Variants in SPPL2A observed in about 807,000 individuals in gnomAD.
The protein encoded by SPPL2A is signal peptide peptidase-like 2A.
In SPPL2A, 51 loss-of-function variants were observed where a neutral mutation model predicts 63.8. That is an observed-to-expected ratio of 0.80 (90% CI 0.64 to 1.01). The LOEUF (loss-of-function observed/expected upper bound fraction) is 1.01. Ranked by LOEUF, SPPL2A falls within the 50% of genes least tolerant of loss-of-function variation. The pLI, the probability that SPPL2A is intolerant of heterozygous loss-of-function variation, is 0.00. For missense variants in SPPL2A, 553 were observed against 622.7 expected (o/e 0.89, Z 1.19); for synonymous variants, 188 against 205.8 (o/e 0.91, Z 0.74).
Position 50,720,150 on chromosome 15 carries a change from TG to T in SPPL2A, c.1328-51del, listed in dbSNP as rs767971794. The T allele has an allele frequency of 2.6e-5, 39 of 1,509,590 alleles. No individual in the cohort carries two copies. In the East Asian group the frequency reaches 8.7e-4, roughly 34 times the overall value. The allele number at this position is 1,509,590 out of a possible 1,614,324, so 93.5% of individuals were successfully genotyped here. The stretch of plus-strand genomic sequence containing the variant: ...AGTCATTTCTACATGTTACCAAAGG[TG>T]GGTTTTTTCCTCTGTCATTTATGTA... On this transcript the variant is annotated intron_variant, in intron 13 of 14. Coordinates refer to ENST00000261854, the MANE Select transcript of SPPL2A (RefSeq NM_032802.4).
At chr15:50,721,727 C>T (rs1002956655) in intron 13 of SPPL2A, among the ~76,000 whole-genome samples, 1 of 152,040 alleles carries the variant, frequency 6.6e-6, no homozygotes. Flanking sequence ...GCCTCAGCCT[C>T]CCCAGTAGCT....
intron 5 of SPPL2A, among the ~76,000 whole-genome samples, chr15:50,740,031 T>G (rs2062806298): frequency 6.6e-6 from 1 of 152,182 alleles, no homozygotes; most frequent in African/African-American, 2.4e-5. Context: ...CAAAGAAATA[T>G]TTAATCTAGA....
intron 1 of SPPL2A, among the ~76,000 whole-genome samples, chr15:50,756,073 G>A (rs1486924650): frequency 2.0e-5 from 3 of 151,844 alleles, no homozygotes; most frequent in Admixed American, 6.6e-5. Context: ...TGAAAGTCAG[G>A]GTCTGGACTG....
intron 14 of SPPL2A, among the ~76,000 whole-genome samples, chr15:50,714,558 G>C (rs1205090799): frequency 3.3e-5 from 5 of 151,330 alleles, no homozygotes; most frequent in Non-Finnish European, 7.4e-5. Flanking sequence ...TTGAACCCTG[G>C]AGGTGGAGGT....
chr15:50,726,051 A>AAATCTAAATC, intron 11 of SPPL2A: 9 of 1,402,042 alleles, frequency 6.4e-6, no homozygotes, highest in Non-Finnish European at 8.5e-6. Flanking sequence ...TCCAATGAAC[A>AAATCTAAATC]TATCTAAAAT....
chr15:50,747,748 A>G (rs1486735718), intron 4 of SPPL2A, 120 bp from the exon 5 acceptor site: 2 of 699,794 alleles, frequency 2.9e-6, no homozygotes, highest in Non-Finnish European at 4.9e-6. Flanking sequence ...CAAGAAGACT[A>G]GAATTATTGT....
chr15:50,749,543 C>A, intron 2 of SPPL2A, 93 bp downstream of exon 2: 1 of 824,658 alleles, frequency 1.2e-6, no homozygotes, highest in Non-Finnish European at 2.1e-6. Flanking sequence ...GCCTTGGCCT[C>A]CCAAAGTGCT....
intron 10 of SPPL2A, among the ~76,000 whole-genome samples, chr15:50,728,481 C>T (rs935163405): frequency 1.3e-5 from 2 of 150,734 alleles, no homozygotes; most frequent in African/African-American, 4.9e-5. Context: ...GTAGCTGGGA[C>T]TACAGGTGCC....
At chr15:50,714,498 G>C (rs1032654884) in intron 14 of SPPL2A, among the ~76,000 whole-genome samples, 4 of 152,054 alleles carry the variant, frequency 2.6e-5, no homozygotes, top group African/African-American at 9.7e-5. Flanking sequence ...GGGCATGGTG[G>C]CGCATGCTTT....
At chr15:50,720,694 T>C (rs539378219) in intron 13 of SPPL2A, among the ~76,000 whole-genome samples, 33 of 151,976 alleles carry the variant, frequency 2.2e-4, no homozygotes, top group Non-Finnish European at 4.3e-4. Context: ...TAATTTTGTA[T>C]TTTTTAGCAG....
rs1378165002 is a variant in SPPL2A at position 50,705,939 on chromosome 15, CTAAAA to C, written c.*1856_*1860del. ...TCACTTGTCATTTGCGAAATTCTTA[CTAAAA>C]TAAAAGAAAATGGAAAGATAATTTG... is the stretch of plus-strand genomic sequence containing the variant. On this transcript the variant is annotated 3_prime_UTR_variant, in exon 15 of 15. Transcript: ENST00000261854. 1 of 152,110 alleles carries C rather than the reference CTAAAA, an allele frequency of 6.6e-6. No individual in the cohort carries two copies. The highest frequency in any genetic ancestry group is 6.6e-5 in the Admixed American group (1 of 15,262). The allele number at this position is 152,110 out of a possible 1,614,324, so 9.4% of individuals were successfully genotyped here.
rs1163110158 is a variant in SPPL2A at position 50,703,005 on chromosome 15, T to G, written c.*4795A>C. The G allele has an allele frequency of 3.3e-5, 5 of 152,100 alleles. No individual in the cohort carries two copies. The highest frequency in any genetic ancestry group is 1.2e-4 in the African/African-American group (5 of 41,414). 9.4% of individuals were successfully genotyped at this position (152,100 alleles called of 1,614,324 possible). ...TAATTTGATTCAGATCTCTTGAATT[T>G]ACAGAGTACTTTTCCTCCAGGAAAT... On this transcript the variant is annotated 3_prime_UTR_variant, in exon 15 of 15. Coordinates refer to ENST00000261854, the MANE Select transcript of SPPL2A (RefSeq NM_032802.4).
intron 14 of SPPL2A, among the ~76,000 whole-genome samples, chr15:50,713,855 T>C (rs1315785780): frequency 6.6e-6 from 1 of 152,128 alleles, no homozygotes; most frequent in African/African-American, 2.4e-5. Flanking sequence ...TCCTCACTCC[T>C]ACAAATAATG....
At chr15:50,742,044 C>A (rs973230995) in intron 5 of SPPL2A, among the ~76,000 whole-genome samples, 9 of 151,844 alleles carry the variant, frequency 5.9e-5, no homozygotes, top group Admixed American at 4.6e-4. Context: ...GAGAGCCATA[C>A]GCAATAGAAA....
At chr15:50,726,102 T>A in intron 11 of SPPL2A, 2 of 1,506,924 alleles carry the variant, frequency 1.3e-6, no homozygotes, top group Non-Finnish European at 1.8e-6. Context: ...GGTTGACCAG[T>A]GGCTTCCACC....
rs201410691 is a variant in SPPL2A at position 50,736,161 on chromosome 15, A to C, written c.872T>G (p.Phe291Cys). The C allele has an allele frequency of 4.8e-5, 78 of 1,613,332 alleles. No homozygotes were observed. The highest frequency in any genetic ancestry group is 1.3e-5 in the Non-Finnish European group (15 of 1,179,682). ...RGKNMEVRLIFLSGLCIAVAV... is the reference protein window; with the variant it reads ...RGKNMEVRLICLSGLCIAVAV... ...TACTGCTATGCACAGTCCAGAGAGA[A>C]AAATAAGTCTCACTTCCATGTTTTT... Residue 291 changes from phenylalanine (F) to cysteine (C), a missense_variant, in exon 8 of 15, where the codon TTT becomes TGT. Physicochemically the swap from Phe to Cys is radical, Grantham distance 205. Coordinates refer to ENST00000261854, the MANE Select transcript of SPPL2A (RefSeq NM_032802.4).
Position 50,748,774 on chromosome 15 carries a change from A to G in SPPL2A, c.274T>C (p.Trp92Arg), listed in dbSNP as rs1252728564. 1 of 1,612,168 alleles carries G rather than the reference A, an allele frequency of 6.2e-7. No individual in the cohort carries two copies. The highest frequency in any genetic ancestry group is 8.5e-7 in the Non-Finnish European group (1 of 1,179,258). ...TTTTCAAGAAAATGGCAGCTTCCCC[A>G]TGGAACCACAACTGCTTTGCTCTTT... ...GIKSKAVVVP[W>R]GSCHFLEKAR... is the part of the protein sequence containing the mutation. Residue 92 changes from tryptophan (W) to arginine (R), a missense_variant, in exon 3 of 15, where the codon TGG becomes CGG. Trp to Arg is a moderately radical substitution (Grantham distance 101). Coordinates refer to ENST00000261854, the MANE Select transcript of SPPL2A (RefSeq NM_032802.4).
chr15:50,730,712 A>G (rs1186096581), intron 10 of SPPL2A, among the ~76,000 whole-genome samples: 1 of 152,218 alleles, frequency 6.6e-6, no homozygotes, highest in Admixed American at 6.5e-5. Flanking sequence ...CATTTAGCTC[A>G]TAAGAAAAAA....
chr15:50,717,284 C>T (rs1328325471), intron 14 of SPPL2A, among the ~76,000 whole-genome samples: 1 of 152,150 alleles, frequency 6.6e-6, no homozygotes, highest in Non-Finnish European at 1.5e-5. Context: ...AAGCAATCCT[C>T]CCACCTCAGG....
Sources: allele counts gnomAD v4.1 joint callset (sites outside exome capture counted in the v4.1 genomes callset), GRCh38; gene constraint gnomAD v4.1.1; transcripts MANE v1.5; gene names NCBI Gene and HGNC (gene_info 2026-07-23, HGNC 2026-07-21).